ABCC8: variants seen among roughly 807,000 people sequenced by gnomAD.
ABCC8 encodes the protein ATP-binding cassette sub-family C member 8.
A neutral mutation model predicts 188.0 loss-of-function variants in ABCC8; 137 were observed. The ratio of observed to expected loss-of-function variants is 0.73; its 90% CI spans 0.63 to 0.84. The LOEUF (loss-of-function observed/expected upper bound fraction) is 0.84. Ranked by LOEUF, ABCC8 falls within the 40% of genes least tolerant of loss-of-function variation. The pLI, the probability that ABCC8 is intolerant of heterozygous loss-of-function variation, is 0.00. For synonymous variants in ABCC8, 797 were observed against 846.5 expected, an observed-to-expected ratio of 0.94 and a Z score of 1.01; for missense variants, 1,750 against 2,072.7, an observed-to-expected ratio of 0.84 and a Z score of 3.02.
chr11:17,462,100 G>A (rs983891536), intron 4 of ABCC8, among the ~76,000 whole-genome samples: 1 of 152,120 alleles, frequency 6.6e-6, no homozygotes, highest in African/African-American at 2.4e-5. Flanking sequence ...GGAGGAGCAG[G>A]AATCTCTCAT....
chr11:17,397,595 C>T, intron 31 of ABCC8, 89 bp downstream of exon 31: 8 of 1,509,602 alleles, frequency 5.3e-6, no homozygotes, highest in South Asian at 1.2e-5. Flanking sequence ...TGGGGTAAGG[C>T]CTGGGAGTGT....
intron 16 of ABCC8, among the ~76,000 whole-genome samples, chr11:17,418,887 T>C (rs1354741296): frequency 6.6e-6 from 1 of 152,156 alleles, no homozygotes; most frequent in Non-Finnish European, 1.5e-5. Flanking sequence ...ATATTAATCA[T>C]TTGGAAAGAA....
intron 10 of ABCC8, chr11:17,436,124 G>A: frequency 1.3e-6 from 1 of 784,634 alleles, no homozygotes; most frequent in Non-Finnish European, 2.3e-6. Context: ...CAGAGCTGAG[G>A]GCTAAAGTGG....
At position 17,410,573 on chromosome 11, in the gene ABCC8, G is replaced by A; in HGVS notation, c.2637C>T (p.Asp879=). 1 of 1,614,084 alleles carries A rather than the reference G, an allele frequency of 6.2e-7. No homozygotes were observed. Among genetic ancestry groups the A allele is most frequent in the Non-Finnish European group, 8.5e-7 (1 of 1,179,996 alleles). ...GGGTCACTAAGACCACTGTCCTCTTGTCGTCCCGGAGCAGCTCAAGGATGC... is the reference window on the plus strand; with the variant it reads ...GGGTCACTAAGACCACTGTCCTCTTATCGTCCCGGAGCAGCTCAAGGATGC... The part of the protein sequence containing the change: ...QAGILELLRD[D]KRTVVLVTHK... The change falls in exon 22 of 39, where the codon GAC becomes GAT. Residue 879 remains aspartate (D), a synonymous_variant. Coordinates refer to ENST00000389817, the MANE Select transcript of ABCC8 (RefSeq NM_000352.6).
chr11:17,439,473 C>A (rs16934145), intron 10 of ABCC8, among the ~76,000 whole-genome samples: 4,604 of 152,134 alleles, frequency 0.03, 237 homozygotes, highest in African/African-American at 0.11. Context: ...TTACCTCACG[C>A]CTAATGACCT....
In ABCC8 at chr11:17,460,472, C is replaced by T; in HGVS notation, c.1011+16G>A. The T allele has an allele frequency of 1.2e-6, 2 of 1,614,064 alleles. No individual in the cohort carries two copies. Among genetic ancestry groups the T allele is most frequent in the Non-Finnish European group, 1.7e-6 (2 of 1,180,030 alleles). On this transcript the variant is annotated intron_variant, in intron 6 of 38. Coordinates refer to ENST00000389817, the MANE Select transcript of ABCC8 (RefSeq NM_000352.6). The stretch of plus-strand genomic sequence containing the variant: ...CCATCTAGAGGGTGCCTTACCCTAC[C>T]CCTGGGGCTGCCTACCTTGGGCTGG...
intron 1 of ABCC8, 143 bp from the exon 2 acceptor site, chr11:17,475,170 A>G: frequency 7.9e-7 from 1 of 1,272,356 alleles, no homozygotes; most frequent in African/African-American, 1.5e-5. Context: ...TGGTACACAC[A>G]AACTAAACGT....
intron 17 of ABCC8, among the ~76,000 whole-genome samples, chr11:17,415,971 C>A (rs1242281680): frequency 6.6e-6 from 1 of 152,222 alleles, no homozygotes; most frequent in African/African-American, 2.4e-5. Context: ...AAATATTCTG[C>A]CACTCTGTTC....
At chr11:17,411,700 C>T (rs1591757552) in intron 21 of ABCC8, among the ~76,000 whole-genome samples, 1 of 152,118 alleles carries the variant, frequency 6.6e-6, no homozygotes, top group Non-Finnish European at 1.5e-5. Context: ...GGACAAGGCC[C>T]CCTCATAGTT....
rs1956882753 is a variant in ABCC8, at chr11:17,453,357, A to G, written c.1012-74T>C. On this transcript the variant is annotated intron_variant, in intron 6 of 38. Transcript: ENST00000389817. The stretch of plus-strand genomic sequence containing the variant: ...CCACCGTAGAACACATCACTGTGCC[A>G]TAATGGACCACGGCCATCATTATTA... The G allele has an allele frequency of 8.2e-6, 13 of 1,587,890 alleles. No homozygotes were observed. In the South Asian group the frequency reaches 1.5e-4, roughly 18 times the overall value.
chr11:17,434,346 A>G (rs991287080), intron 10 of ABCC8, among the ~76,000 whole-genome samples: 7 of 152,222 alleles, frequency 4.6e-5, no homozygotes, highest in African/African-American at 1.4e-4. Flanking sequence ...TTGGAAAGCA[A>G]TCTGGTGCTT....
At chr11:17,413,242 A>G in intron 20 of ABCC8, 152 bp downstream of exon 20, 1 of 1,263,028 alleles carries the variant, frequency 7.9e-7, no homozygotes. Flanking sequence ...AAAGGACATC[A>G]TCAAGAACAA....
intron 7 of ABCC8, among the ~76,000 whole-genome samples, chr11:17,450,590 G>A (rs1956774101): frequency 6.8e-6 from 1 of 146,236 alleles, no homozygotes; most frequent in South Asian, 2.2e-4. Flanking sequence ...GTAGAGACGG[G>A]GTTTCACCAT....
chr11:17,402,635 T>C, intron 29 of ABCC8, 26 bp downstream of exon 29: 1 of 1,614,230 alleles, frequency 6.2e-7, no homozygotes, highest in South Asian at 1.1e-5. Context: ...GTTCCACTCC[T>C]ACCTTGGGGG....
intron 33 of ABCC8, chr11:17,396,570 C>G: frequency 2.8e-6 from 1 of 356,774 alleles, no homozygotes; most frequent in South Asian, 2.8e-5. Flanking sequence ...TGTCTGCCCC[C>G]AGGTCCCTGC....
intron 6 of ABCC8, among the ~76,000 whole-genome samples, chr11:17,457,099 A>G (rs1957022322): frequency 6.6e-6 from 1 of 152,200 alleles, no homozygotes; most frequent in Non-Finnish European, 1.5e-5. Flanking sequence ...GAGCTAGTGA[A>G]TTGAAGGCAG....
intron 23 of ABCC8, 61 bp downstream of exon 23, chr11:17,408,331 A>G: frequency 6.6e-7 from 1 of 1,510,554 alleles, no homozygotes; most frequent in Non-Finnish European, 9.1e-7. Context: ...TTATGAGTTC[A>G]GGTTCTAGCA....
chr11:17,465,244 T>A (rs1449596067), intron 3 of ABCC8, among the ~76,000 whole-genome samples: 1 of 152,206 alleles, frequency 6.6e-6, no homozygotes, highest in Non-Finnish European at 1.5e-5. Flanking sequence ...ACAGATTCTA[T>A]CCCAGGCATC....
At position 17,396,005 on chromosome 11, in the gene ABCC8, G is replaced by T. The variant is rs991310031; in HGVS notation, c.4120-75C>A. 3.9e-6 allele frequency: 6 copies of T among 1,545,864 alleles called. No individual in the cohort carries two copies. The East Asian group carries it at 1.5e-4, about 38-fold the overall frequency. On this transcript the variant is annotated intron_variant, in intron 33 of 38. Transcript: ENST00000389817. ...AATAGCCTCTATGCTAGCTCTGGGT[G>T]TGTGTGCAGGTGTGGGAGGTCACAG...
Sources: gnomAD v4.1 joint callset for allele counts (sites outside exome capture counted in the v4.1 genomes callset) on GRCh38, gnomAD v4.1.1 for gene constraint, MANE v1.5 for transcripts, NCBI Gene and HGNC (gene_info 2026-07-23, HGNC 2026-07-21) for gene names.